The following CDK5RAP2 variants were observed in gnomAD, a reference collection of about 807,000 sequenced individuals.
CDK5RAP2 encodes the protein CDK5 regulatory subunit-associated protein 2.
A neutral mutation model predicts 232.9 loss-of-function variants in CDK5RAP2; 147 were observed. The observed-to-expected ratio is 0.63, with a 90% CI of 0.55 to 0.72. The LOEUF (loss-of-function observed/expected upper bound fraction) is 0.72. CDK5RAP2 is among the 30% of genes least tolerant of loss of function. CDK5RAP2 has a pLI of 0.00. For synonymous variants in CDK5RAP2, 833 were observed against 833.7 expected (o/e 1.00, Z 0.01); for missense variants, 2,195 against 2,231.5 (o/e 0.98, Z 0.33).
intron 10 of CDK5RAP2, among the ~76,000 whole-genome samples, chr9:120,527,585 A>T (rs2040961394): frequency 6.6e-6 from 1 of 152,164 alleles, no homozygotes; most frequent in Non-Finnish European, 1.5e-5. Context: ...GCCACTAGAA[A>T]GTTTTAAATC....
intron 16 of CDK5RAP2, 37 bp downstream of exon 16, chr9:120,471,710 GA>G: frequency 6.2e-7 from 1 of 1,613,664 alleles, no homozygotes; most frequent in South Asian, 1.1e-5. Flanking sequence ...CCTCCAAGTG[GA>G]AAAACCAAAG....
At chr9:120,484,873 C>A (rs924451134) in intron 14 of CDK5RAP2, among the ~76,000 whole-genome samples, 2 of 151,458 alleles carry the variant, frequency 1.3e-5, no homozygotes, top group African/African-American at 4.9e-5. Context: ...CACCACTGTG[C>A]CAACCTAATT....
intron 31 of CDK5RAP2, 77 bp downstream of exon 31, chr9:120,408,270 C>T (rs71509520): frequency 1.9e-6 from 3 of 1,578,990 alleles, no homozygotes; most frequent in Admixed American, 1.7e-5. Flanking sequence ...GCTCTGCCCT[C>T]CTGTGCCTAC....
Position 120,419,925 on chromosome 9 carries a change from A to C in CDK5RAP2, c.4040T>G (p.Leu1347Arg). 6.2e-7 allele frequency: 1 copy of C among 1,614,096 alleles called. No homozygotes were observed. Among genetic ancestry groups the C allele is most frequent in the Non-Finnish European group, 8.5e-7 (1 of 1,179,912 alleles). The change falls in exon 27 of 38, where the codon CTG becomes CGG. Residue 1347 changes from leucine (L) to arginine (R), a missense_variant. By Grantham distance (102) the Leu-to-Arg change is moderately radical. Transcript: ENST00000349780. ...GGCTGAAGGCTCAGGAGATTCAGGC[A>C]GAAGATGTTGGTAGGTTAAGTTGTC... is the stretch of plus-strand genomic sequence containing the variant. ...EEDNLTYQHLLPESPEPSASH... is the reference protein window; with the variant it reads ...EEDNLTYQHLRPESPEPSASH...
intron 32 of CDK5RAP2, among the ~76,000 whole-genome samples, chr9:120,405,107 G>T (rs1198451236): frequency 1.3e-5 from 2 of 152,226 alleles, no homozygotes; most frequent in East Asian, 3.9e-4. Flanking sequence ...ATTTCCCAGG[G>T]GTGTGCTACA....
chr9:120,437,362 C>T lies in CDK5RAP2; in HGVS notation c.3888G>A (p.Glu1296=), dbSNP rs1244777656. ...QASDVDYCVA[E]GFQEQLNQCA... ...ATTGATTCAGCTGTTCCTGGAAACC[C>T]TCGGCCACACAGTAATCCACATCAC... is the stretch of plus-strand genomic sequence containing the variant. The change falls in exon 25 of 38, where the codon GAG becomes GAA. Residue 1296 remains glutamate (E), a synonymous_variant. Transcript: ENST00000349780. 1 of 1,614,146 alleles carries T rather than the reference C, an allele frequency of 6.2e-7. No individual in the cohort carries two copies. Among genetic ancestry groups the T allele is most frequent in the South Asian group, 1.1e-5 (1 of 91,078 alleles).
At chr9:120,549,527 T>G (rs1272827347) in intron 4 of CDK5RAP2, among the ~76,000 whole-genome samples, 1 of 152,188 alleles carries the variant, frequency 6.6e-6, no homozygotes, top group Non-Finnish European at 1.5e-5. Context: ...AAAATCCACC[T>G]CACGTAGTAG....
rs1325263790 is a variant in CDK5RAP2 at position 120,448,223 on chromosome 9, G to A, written c.2794-97C>T. On this transcript the variant is annotated intron_variant, in intron 21 of 37. Transcript: ENST00000349780. ...ATGCCAGCCTTATAAAACGGAATTC[G>A]AACTGGCTGCCCAGACTTCTCGTTC... The A allele has an allele frequency of 6.7e-6, 7 of 1,037,934 alleles. No individual in the cohort carries two copies. The South Asian group carries it at 7.8e-5, about 12-fold the overall frequency. The allele number at this position is 1,037,934 out of a possible 1,614,324, so 64.3% of individuals were successfully genotyped here. A position where few individuals can be genotyped will look rare whatever the true frequency, so the allele number is the denominator to read the frequency against.
At chr9:120,470,809 G>T (rs1418454798) in intron 16 of CDK5RAP2, among the ~76,000 whole-genome samples, 1 of 151,680 alleles carries the variant, frequency 6.6e-6, no homozygotes, top group East Asian at 1.9e-4. Flanking sequence ...AGAAGTGGGG[G>T]GCGGGGGGAA....
At chr9:120,522,905 C>T (rs1414790217) in intron 11 of CDK5RAP2, among the ~76,000 whole-genome samples, 2 of 152,204 alleles carry the variant, frequency 1.3e-5, no homozygotes, top group Admixed American at 1.3e-4. Context: ...ACTATGTATA[C>T]CTCACAGTGA....
chr9:120,407,011 C>T lies in CDK5RAP2; in HGVS notation c.4963+1G>A, dbSNP rs760836130. The T allele has an allele frequency of 5.6e-6, 9 of 1,608,840 alleles. No individual in the cohort carries two copies. The South Asian group carries it at 9.9e-5, about 18-fold the overall frequency. ...CAAGTGGGGAGAGGCAGGGGCAGTA[C>T]CGTGTTTGTCAGGCTGAAGGGGCAC... On this transcript the variant is annotated splice_donor_variant, in intron 32 of 37. Coordinates refer to ENST00000349780, the MANE Select transcript of CDK5RAP2 (RefSeq NM_018249.6). LOFTEE classifies it high-confidence loss of function.
chr9:120,573,910 A>G (rs2042941755), intron 1 of CDK5RAP2, among the ~76,000 whole-genome samples: 1 of 152,216 alleles, frequency 6.6e-6, no homozygotes, highest in Non-Finnish European at 1.5e-5. Context: ...CCAGAAGCCC[A>G]AGGTCACATA....
intron 12 of CDK5RAP2, among the ~76,000 whole-genome samples, chr9:120,498,621 T>C (rs1316356282): frequency 6.6e-6 from 1 of 152,174 alleles, no homozygotes; most frequent in African/African-American, 2.4e-5. Context: ...GCCACAGTAA[T>C]GCAAAATGTT....
chr9:120,568,766 T>C (rs1217585610), intron 2 of CDK5RAP2, among the ~76,000 whole-genome samples: 1 of 152,064 alleles, frequency 6.6e-6, no homozygotes, highest in Non-Finnish European at 1.5e-5. Context: ...ACAGCAGGGG[T>C]TGGCAAACTT....
intron 3 of CDK5RAP2, among the ~76,000 whole-genome samples, chr9:120,557,771 T>C (rs10984954): frequency 4.8e-4 from 54 of 113,000 alleles, no homozygotes; most frequent in East Asian, 2.1e-3. Flanking sequence ...AAAAAAACTT[T>C]TTTTTTTTTT....
intron 11 of CDK5RAP2, among the ~76,000 whole-genome samples, chr9:120,522,180 C>T (rs1330970651): frequency 6.6e-6 from 1 of 152,174 alleles, no homozygotes; most frequent in African/African-American, 2.4e-5. Flanking sequence ...CAAATAAATG[C>T]ATGTCAACTG....
At chr9:120,563,597 C>A (rs1047476759) in intron 3 of CDK5RAP2, among the ~76,000 whole-genome samples, 1 of 152,110 alleles carries the variant, frequency 6.6e-6, no homozygotes, top group African/African-American at 2.4e-5. Context: ...AGTAGTAGCC[C>A]CACTTTACAC....
At chr9:120,402,691 C>G in intron 34 of CDK5RAP2, 115 bp downstream of exon 34, 2 of 1,191,740 alleles carry the variant, frequency 1.7e-6, no homozygotes, top group Non-Finnish European at 2.5e-6. Flanking sequence ...GCCACACTTC[C>G]TGGTCCCTCT....
intron 7 of CDK5RAP2, among the ~76,000 whole-genome samples, chr9:120,531,507 AAATAG>A (rs1167947651): frequency 1.3e-5 from 2 of 152,162 alleles, no homozygotes; most frequent in Non-Finnish European, 2.9e-5. Context: ...CTCAGCTACA[AAATAG>A]GGGTGACTTG....
Sources: allele counts gnomAD v4.1 joint callset (sites outside exome capture counted in the v4.1 genomes callset), GRCh38; gene constraint gnomAD v4.1.1; transcripts MANE v1.5; gene names NCBI Gene and HGNC (gene_info 2026-07-23, HGNC 2026-07-21).